ELP4: variants seen among roughly 807,000 people sequenced by gnomAD.
ELP4 encodes elongator complex protein 4.
ELP4 carries 51 observed loss-of-function variants against 48.9 expected under a neutral mutation model. That is an observed-to-expected ratio of 1.04 (90% CI 0.83 to 1.32). ELP4 has a LOEUF of 1.32. Ranked by LOEUF, ELP4 falls within the 40% of genes most tolerant of loss-of-function variation. The probability of loss-of-function intolerance (pLI) is 0.00; values close to 1 mark genes in which losing one functional copy is unlikely to be tolerated. For missense variants in ELP4, 519 were observed against 514.6 expected, an observed-to-expected ratio of 1.01 and a Z score of -0.08; for synonymous variants, 210 against 189.2, an observed-to-expected ratio of 1.11 and a Z score of -0.90.
intron 5 of ELP4, among the ~76,000 whole-genome samples, chr11:31,611,619 T>C (rs1565078654): frequency 6.6e-6 from 1 of 152,220 alleles, no homozygotes; most frequent in East Asian, 1.9e-4. Flanking sequence ...TAATCATATG[T>C]CCGATAATAT....
At position 31,784,042 on chromosome 11, in the gene ELP4, T is replaced by C. The variant is rs937014653; in HGVS notation, c.*518T>C. ...AAAGACAAAGTAATATTTTGGGATT[T>C]AGATTCCACTAGAGATAATTAGTCT... On this transcript the variant is annotated 3_prime_UTR_variant, in exon 10 of 10. Transcript: ENST00000640961. 2 of 152,302 alleles carry C rather than the reference T, an allele frequency of 1.3e-5. No individual in the cohort carries two copies. Among genetic ancestry groups the C allele is most frequent in the Non-Finnish European group, 2.9e-5 (2 of 68,084 alleles). The allele number at this position is 152,302 out of a possible 1,614,324, so 9.4% of individuals were successfully genotyped here. A position where few individuals can be genotyped will look rare whatever the true frequency, so the allele number is the denominator to read the frequency against.
At chr11:31,539,837 T>G (rs1481203639) in intron 3 of ELP4, 54 bp downstream of exon 3, 2 of 1,454,262 alleles carry the variant, frequency 1.4e-6, no homozygotes, top group Non-Finnish European at 1.9e-6. Context: ...GAAAAAATAT[T>G]GTTTATATAT....
chr11:31,719,776 A>T (rs1946920931), intron 9 of ELP4: 1 of 277,136 alleles, frequency 3.6e-6, no homozygotes, highest in Non-Finnish European at 6.6e-6. Context: ...GGTAAAATAT[A>T]CTGATGTCTG....
chr11:31,647,378 T>C (rs146897944), intron 7 of ELP4: 1 of 192,708 alleles, frequency 5.2e-6, no homozygotes, highest in Non-Finnish European at 1.1e-5. Flanking sequence ...CCAATGGGCA[T>C]TGGATGAAGT....
In ELP4 at chr11:31,786,449, C is replaced by T. The variant is rs1431778218; in HGVS notation, c.*2925C>T. The T allele has an allele frequency of 4.6e-6, 1 of 219,474 alleles. No individual in the cohort carries two copies. Among genetic ancestry groups the T allele is most frequent in the Non-Finnish European group, 9.1e-6 (1 of 109,528 alleles). The allele number at this position is 219,474 out of a possible 1,614,324, so 13.6% of individuals were successfully genotyped here. ...AGTACCAAGCCAAAACACAGAAAAA[C>T]AAAAAAGCAGATGAGGTTTATTCTT... On this transcript the variant is annotated 3_prime_UTR_variant, in exon 10 of 10. Transcript: ENST00000640961.
At chr11:31,732,835 A>G (rs1592262353) in intron 9 of ELP4, among the ~76,000 whole-genome samples, 1 of 152,336 alleles carries the variant, frequency 6.6e-6, no homozygotes, top group Non-Finnish European at 1.5e-5. Context: ...TTACGTAATG[A>G]TAAGAGGGAT....
chr11:31,635,349 C>G (rs1409924509), intron 7 of ELP4, among the ~76,000 whole-genome samples: 1 of 151,908 alleles, frequency 6.6e-6, no homozygotes, highest in Non-Finnish European at 1.5e-5. Flanking sequence ...AATATCAACT[C>G]ATTTAATTCT....
chr11:31,542,524 C>A (rs996212056), intron 3 of ELP4, among the ~76,000 whole-genome samples: 3 of 152,188 alleles, frequency 2.0e-5, no homozygotes, highest in Non-Finnish European at 4.4e-5. Context: ...GAGTGAAAAA[C>A]TTCATAATTC....
At chr11:31,600,053 A>G (rs1200070569) in intron 4 of ELP4, 1 of 152,188 alleles carries the variant, frequency 6.6e-6, no homozygotes, top group Non-Finnish European at 1.5e-5. Flanking sequence ...TGCCTTTTAA[A>G]ATAAGTTGTC....
chr11:31,569,121 T>C (rs980280906), intron 3 of ELP4, among the ~76,000 whole-genome samples: 1 of 151,396 alleles, frequency 6.6e-6, no homozygotes, highest in Non-Finnish European at 1.5e-5. Flanking sequence ...AAAAAAAACC[T>C]AAATCTAAAA....
At chr11:31,531,471 C>T (rs916135282) in intron 2 of ELP4, among the ~76,000 whole-genome samples, 1 of 152,198 alleles carries the variant, frequency 6.6e-6, no homozygotes, top group Non-Finnish European at 1.5e-5. Flanking sequence ...ATATCTTACC[C>T]AGCCTTGAGT....
chr11:31,736,055 A>G (rs1446058027), intron 9 of ELP4, among the ~76,000 whole-genome samples: 2 of 152,238 alleles, frequency 1.3e-5, no homozygotes, highest in Non-Finnish European at 2.9e-5. Context: ...TGGAGGCATC[A>G]TGCTACCTGA....
chr11:31,706,547 A>G (rs775303889), intron 9 of ELP4, among the ~76,000 whole-genome samples: 2 of 147,922 alleles, frequency 1.4e-5, no homozygotes, highest in Non-Finnish European at 3.0e-5. Flanking sequence ...TTATATATTT[A>G]ATTTAATATA....
chr11:31,713,008 T>A (rs999809344), intron 9 of ELP4, among the ~76,000 whole-genome samples: 1 of 152,170 alleles, frequency 6.6e-6, no homozygotes, highest in Non-Finnish European at 1.5e-5. Flanking sequence ...TTCACATTGC[T>A]TTTGTTTGTT....
intron 5 of ELP4, among the ~76,000 whole-genome samples, chr11:31,611,622 G>T (rs528083100): frequency 6.6e-6 from 1 of 152,194 alleles, no homozygotes; most frequent in African/African-American, 2.4e-5. Flanking sequence ...TCATATGTCC[G>T]ATAATATTTA....
intron 3 of ELP4, among the ~76,000 whole-genome samples, chr11:31,571,886 TC>T (rs1458352429): frequency 3.3e-5 from 5 of 152,204 alleles, no homozygotes; most frequent in African/African-American, 1.2e-4. Context: ...TGTGCTATCA[TC>T]CAGGCTTTGT....
chr11:31,639,618 T>C (rs775433226), intron 7 of ELP4, among the ~76,000 whole-genome samples: 27 of 151,940 alleles, frequency 1.8e-4, no homozygotes, highest in Non-Finnish European at 3.2e-4. Context: ...TAAAGTTCTG[T>C]CTATATTAAG....
chr11:31,635,261 C>A (rs920996463), intron 7 of ELP4, among the ~76,000 whole-genome samples: 1 of 151,904 alleles, frequency 6.6e-6, no homozygotes. Flanking sequence ...ATACATATAA[C>A]CAGGGCACTG....
At chr11:31,681,473 A>C (rs1046786505) in intron 9 of ELP4, among the ~76,000 whole-genome samples, 1 of 152,180 alleles carries the variant, frequency 6.6e-6, no homozygotes, top group Non-Finnish European at 1.5e-5. Flanking sequence ...AAGTGAATAC[A>C]GTTGTAGAAG....
Sources: gnomAD v4.1 joint callset for allele counts (sites outside exome capture counted in the v4.1 genomes callset) on GRCh38, gnomAD v4.1.1 for gene constraint, MANE v1.5 for transcripts, NCBI Gene and HGNC (gene_info 2026-07-23, HGNC 2026-07-21) for gene names.